Variants in CDC42EP4 observed in about 807,000 individuals in gnomAD.
CDC42EP4 encodes the protein CDC42 effector protein (Rho GTPase binding) 4.
A neutral mutation model predicts 5.6 loss-of-function variants in CDC42EP4; 6 were observed. That is an observed-to-expected ratio of 1.07 (90% CI 0.59 to 2.12). The LOEUF (loss-of-function observed/expected upper bound fraction) is 2.12, where lower values mean the gene tolerates loss of function less well. Ranked by LOEUF, CDC42EP4 falls within the 30% of genes most tolerant of loss-of-function variation. The pLI, the probability that CDC42EP4 is intolerant of heterozygous loss-of-function variation, is 0.00. For synonymous variants in CDC42EP4, 230 were observed against 224.2 expected (o/e 1.03, Z -0.23); for missense variants, 490 against 508.6 (o/e 0.96, Z 0.35).
rs778284383 is a variant in CDC42EP4 at position 73,285,692 on chromosome 17, C to T, written c.809G>A (p.Gly270Asp). 4.5e-6 allele frequency: 7 copies of T among 1,570,678 alleles called. No individual in the cohort carries two copies. In the East Asian group the frequency reaches 9.1e-5, roughly 20 times the overall value. The change falls in exon 2 of 2, where the codon GGC (glycine) becomes GAC (aspartate). Residue 270 changes from glycine to aspartate, a missense_variant. Gly to Asp is a moderately conservative substitution (Grantham distance 94). Coordinates refer to ENST00000335793, the MANE Select transcript of CDC42EP4 (RefSeq NM_012121.5). The surrounding 1 kb of genome is among the most constrained non-coding windows in gnomAD (Gnocchi z 6.8). ...PPLARQEGKA[G>D]PDLPSLPSHA... is the part of the protein sequence containing the mutation. ...GGAGGGGAGGGAGGGCAAGTCTGGG[C>T]CAGCCTTGCCTTCCTGCCTTGCCAG... is the stretch of plus-strand genomic sequence containing the variant.
intron 1 of CDC42EP4, among the ~76,000 whole-genome samples, chr17:73,287,219 G>A (rs546551326): frequency 6.6e-6 from 1 of 152,314 alleles, no homozygotes; most frequent in East Asian, 1.9e-4. Flanking sequence ...GAACTGGGGT[G>A]GGGCTGCTGG....
intron 1 of CDC42EP4, among the ~76,000 whole-genome samples, chr17:73,304,949 C>T (rs894488990): frequency 2.6e-5 from 4 of 152,192 alleles, no homozygotes; most frequent in Non-Finnish European, 5.9e-5. Flanking sequence ...CCTTCATCTT[C>T]GTTCCTGCAC....
At chr17:73,295,468 G>A (rs2145315460) in intron 1 of CDC42EP4, among the ~76,000 whole-genome samples, 1 of 152,322 alleles carries the variant, frequency 6.6e-6, no homozygotes, top group South Asian at 2.1e-4. Context: ...CTGAGCAATT[G>A]GTACTAGGTG....
At chr17:73,311,123 G>A (rs1337382730) in intron 1 of CDC42EP4, 1 of 152,220 alleles carries the variant, frequency 6.6e-6, no homozygotes, top group Non-Finnish European at 1.5e-5. Flanking sequence ...CGGCTCCAAG[G>A]GGGCGGGTGG....
At chr17:73,311,489 C>G (rs1444872935) in intron 1 of CDC42EP4, 3 of 152,388 alleles carry the variant, frequency 2.0e-5, no homozygotes, top group African/African-American at 7.2e-5. Flanking sequence ...TGCGCTCCTG[C>G]CCACACCGAC....
chr17:73,286,118 G>A lies in CDC42EP4; in HGVS notation c.383C>T (p.Ala128Val), dbSNP rs749458870. The A allele has an allele frequency of 1.9e-5, 31 of 1,613,860 alleles. No homozygotes were observed. The highest frequency in any genetic ancestry group is 3.3e-4 in the Middle Eastern group (2 of 6,082). ...GGGCAGCTTACTGGTGCCCTTCTCC[G>A]CGGCCTCCTTCTCATTGAGCTGGGG... ...SLPQLNEKEA[A>V]EKGTSKLPKS... Residue 128 changes from alanine to valine, a missense_variant, in exon 2 of 2, where the codon GCG (alanine) becomes GTG (valine). By Grantham distance (64) the Ala-to-Val change is moderately conservative. Transcript: ENST00000335793. The surrounding 1 kb of genome is among the most constrained non-coding windows in gnomAD (Gnocchi z 7.7).
chr17:73,289,756 A>AGGGAGGGAGGGAGGAAGGGAGGGAGGAG (rs1568340944), intron 1 of CDC42EP4, among the ~76,000 whole-genome samples: 1 of 125,640 alleles, frequency 8.0e-6, no homozygotes, highest in Non-Finnish European at 1.7e-5. Context: ...GGAGGGAGGA[A>AGGGAGGGAGGGAGGAAGGGAGGGAGGAG]GGGAGGGGAA....
intron 1 of CDC42EP4, among the ~76,000 whole-genome samples, chr17:73,294,078 T>C (rs922984264): frequency 6.6e-6 from 1 of 152,140 alleles, no homozygotes; most frequent in Admixed American, 6.5e-5. Flanking sequence ...AGGCCGGGCG[T>C]GGTGGCTCAC....
chr17:73,295,310 CAA>C (rs975814854), intron 1 of CDC42EP4, among the ~76,000 whole-genome samples: 2 of 152,118 alleles, frequency 1.3e-5, no homozygotes, highest in Admixed American at 1.3e-4. Flanking sequence ...TGCTGGAGCC[CAA>C]GTCTCTTGAC....
At chr17:73,301,341 C>T (rs1431428604) in intron 1 of CDC42EP4, among the ~76,000 whole-genome samples, 2 of 152,230 alleles carry the variant, frequency 1.3e-5, no homozygotes, top group Admixed American at 6.5e-5. Context: ...ATTACACAAG[C>T]AGCATGTTCC....
At chr17:73,300,522 C>T (rs1391136821) in intron 1 of CDC42EP4, among the ~76,000 whole-genome samples, 2 of 152,206 alleles carry the variant, frequency 1.3e-5, no homozygotes, top group East Asian at 1.9e-4. Context: ...CACTGTCCAC[C>T]AGCCACTTCT....
intron 1 of CDC42EP4, among the ~76,000 whole-genome samples, chr17:73,303,586 C>T (rs1323777583): frequency 1.3e-5 from 2 of 150,378 alleles, no homozygotes; most frequent in African/African-American, 4.9e-5. Flanking sequence ...CGCTTGAACC[C>T]AGGAGGTGGA....
intron 1 of CDC42EP4, among the ~76,000 whole-genome samples, chr17:73,294,564 C>G (rs1480794805): frequency 6.6e-6 from 1 of 152,140 alleles, no homozygotes; most frequent in South Asian, 2.1e-4. Flanking sequence ...CACCCCAGGG[C>G]TCCATTCACT....
intron 1 of CDC42EP4, among the ~76,000 whole-genome samples, chr17:73,298,483 A>C (rs758307451): frequency 2.0e-5 from 3 of 152,318 alleles, no homozygotes; most frequent in Middle Eastern, 6.8e-3. Flanking sequence ...AGCCTCCCAC[A>C]TAACAGTGGG....
At chr17:73,297,037 T>C (rs1395246714) in intron 1 of CDC42EP4, among the ~76,000 whole-genome samples, 2 of 141,232 alleles carry the variant, frequency 1.4e-5, no homozygotes, top group Non-Finnish European at 3.0e-5. Context: ...CTCACACCTG[T>C]AATCCCAGCA....
At chr17:73,299,449 AC>A (rs2062207027) in intron 1 of CDC42EP4, among the ~76,000 whole-genome samples, 1 of 86,140 alleles carries the variant, frequency 1.2e-5, no homozygotes, top group African/African-American at 3.7e-5. Flanking sequence ...AAAAATACAC[AC>A]ACACACACAC....
chr17:73,289,921 A>T (rs1202421698), intron 1 of CDC42EP4, among the ~76,000 whole-genome samples: 15 of 152,298 alleles, frequency 9.8e-5, no homozygotes, highest in Non-Finnish European at 2.9e-5. Context: ...AGAAGAAAAG[A>T]AAAAGAAAAA....
Position 73,283,733 on chromosome 17 carries a change from G to A in CDC42EP4, c.*1697C>T, listed in dbSNP as rs2062114474. The A allele has an allele frequency of 6.6e-6, 1 of 152,244 alleles. No individual in the cohort carries two copies. Among genetic ancestry groups the A allele is most frequent in the African/African-American group, 2.4e-5 (1 of 41,446 alleles). The allele number at this position is 152,244 out of a possible 1,614,324, so 9.4% of individuals were successfully genotyped here. On this transcript the variant is annotated 3_prime_UTR_variant, in exon 2 of 2. Coordinates refer to ENST00000335793, the MANE Select transcript of CDC42EP4 (RefSeq NM_012121.5). ...GACGGGATTCGAGGGCAGCTGGCGGGGGCTGCATAGCCCCTGAGGTTCCTC... is the reference window on the plus strand; with the variant it reads ...GACGGGATTCGAGGGCAGCTGGCGGAGGCTGCATAGCCCCTGAGGTTCCTC...
intron 1 of CDC42EP4, among the ~76,000 whole-genome samples, chr17:73,299,808 C>A (rs1175233945): frequency 6.6e-6 from 1 of 152,070 alleles, no homozygotes; most frequent in Non-Finnish European, 1.5e-5. Context: ...TTACTGCCTC[C>A]CCCATTAAAG....
Sources: gnomAD v4.1 joint callset for allele counts (sites outside exome capture counted in the v4.1 genomes callset) on GRCh38, gnomAD v4.1.1 for gene constraint, Gnocchi (gnomAD v3.1) non-coding constraint, MANE v1.5 for transcripts, NCBI Gene and HGNC (gene_info 2026-07-23, HGNC 2026-07-21) for gene names.